Variants in OR10J1 observed in about 807,000 individuals in gnomAD.
OR10J1 encodes the protein olfactory receptor family 10 subfamily J member 1.
For missense variants in OR10J1, 474 were observed against 376.6 expected (o/e 1.26, Z -2.14); for synonymous variants, 202 against 143.8 (o/e 1.40, Z -2.89).
chr1:159,431,369 G>C, the OR10J1 span, among the ~76,000 whole-genome samples: 1 of 152,156 alleles, frequency 6.6e-6, no homozygotes, highest in South Asian at 2.1e-4. Flanking sequence ...TGAGGAGAGG[G>C]ACTCCAGAGT....
chr1:159,399,579 A>C, the OR10J1 span, among the ~76,000 whole-genome samples: 1 of 150,138 alleles, frequency 6.7e-6, no homozygotes, highest in African/African-American at 2.4e-5. Context: ...TCAAAAAAAA[A>C]AAAAAAAAAA....
At chr1:159,426,748 A>T in the OR10J1 span, among the ~76,000 whole-genome samples, 1 of 151,862 alleles carries the variant, frequency 6.6e-6, no homozygotes, top group Non-Finnish European at 1.5e-5. Context: ...TATTATGTAA[A>T]TATTTTTTTC....
upstream of OR10J1, among the ~76,000 whole-genome samples, chr1:159,435,923 A>G (rs905166914): frequency 6.6e-6 from 1 of 152,134 alleles, no homozygotes; most frequent in Admixed American, 6.5e-5. Context: ...TATATTTGCT[A>G]TTGGTGGCAG....
At chr1:159,430,671 G>GCGCGCGCA in the OR10J1 span, among the ~76,000 whole-genome samples, 69 of 149,798 alleles carry the variant, frequency 4.6e-4, no homozygotes, top group South Asian at 1.1e-3. Flanking sequence ...GTGTGTGTGC[G>GCGCGCGCA]CGCGCGCACA....
At chr1:159,409,982 T>C in the OR10J1 span, among the ~76,000 whole-genome samples, 3 of 152,130 alleles carry the variant, frequency 2.0e-5, no homozygotes, top group African/African-American at 7.2e-5. Flanking sequence ...TTGGTTCTGT[T>C]TATATGCTGG....
chr1:159,400,461 CTA>C, the OR10J1 span, among the ~76,000 whole-genome samples: 5 of 151,264 alleles, frequency 3.3e-5, no homozygotes. Context: ...AAGATGAAAA[CTA>C]TAAGAAAAGA....
At chr1:159,433,397 A>G (rs1558008034), upstream of OR10J1, among the ~76,000 whole-genome samples, 1 of 152,238 alleles carries the variant, frequency 6.6e-6, no homozygotes, top group African/African-American at 2.4e-5. Context: ...CATGCACTGC[A>G]CTATAATGTT....
At chr1:159,427,709 G>A in the OR10J1 span, among the ~76,000 whole-genome samples, 2 of 151,978 alleles carry the variant, frequency 1.3e-5, no homozygotes, top group African/African-American at 2.4e-5. Context: ...AGGATAGAAA[G>A]GTGTGAGATT....
the OR10J1 span, among the ~76,000 whole-genome samples, chr1:159,398,900 C>G: frequency 6.6e-6 from 1 of 151,948 alleles, no homozygotes; most frequent in Non-Finnish European, 1.5e-5. Context: ...GAGAACTTCC[C>G]AAACCTAGAG....
chr1:159,434,777 G>A (rs1466304679), upstream of OR10J1, among the ~76,000 whole-genome samples: 1 of 152,082 alleles, frequency 6.6e-6, no homozygotes. Flanking sequence ...AGTCAACAAT[G>A]TTATGGACAT....
upstream of OR10J1, among the ~76,000 whole-genome samples, chr1:159,438,433 G>A (rs1181871903): frequency 3.3e-5 from 5 of 152,164 alleles, no homozygotes; most frequent in Non-Finnish European, 5.9e-5. Flanking sequence ...TAAAAGCTCT[G>A]CCAAGCATTT....
the OR10J1 span, among the ~76,000 whole-genome samples, chr1:159,414,048 T>C: frequency 3.9e-5 from 6 of 152,134 alleles, no homozygotes; most frequent in Non-Finnish European, 1.5e-5. Flanking sequence ...AATCAGCGTA[T>C]TTAGGGTATC....
chr1:159,422,181 C>T, the OR10J1 span, among the ~76,000 whole-genome samples: 1 of 152,054 alleles, frequency 6.6e-6, no homozygotes, highest in Non-Finnish European at 1.5e-5. Flanking sequence ...AACGGTGTGC[C>T]GAGTACTGGA....
At chr1:159,430,047 T>A in the OR10J1 span, among the ~76,000 whole-genome samples, 3 of 152,140 alleles carry the variant, frequency 2.0e-5, no homozygotes, top group Admixed American at 2.0e-4. Flanking sequence ...TAACTAAATG[T>A]GACCTCGTGG....
chr1:159,414,616 A>G, the OR10J1 span, among the ~76,000 whole-genome samples: 2 of 152,136 alleles, frequency 1.3e-5, no homozygotes, highest in African/African-American at 4.8e-5. Flanking sequence ...CAACAGCAGA[A>G]TTGCTGGATC....
the OR10J1 span, among the ~76,000 whole-genome samples, chr1:159,422,841 C>T: frequency 3.3e-4 from 50 of 152,180 alleles, no homozygotes; most frequent in Non-Finnish European, 5.3e-4. Context: ...GGGGGCTTTT[C>T]GCTTACTCTT....
the OR10J1 span, among the ~76,000 whole-genome samples, chr1:159,397,796 C>T: frequency 6.6e-6 from 1 of 152,210 alleles, no homozygotes; most frequent in Non-Finnish European, 1.5e-5. Context: ...CTGGATGGCA[C>T]TTCTGGACCC....
chr1:159,423,091 T>C, the OR10J1 span, among the ~76,000 whole-genome samples: 1 of 152,156 alleles, frequency 6.6e-6, no homozygotes, highest in African/African-American at 2.4e-5. Context: ...TTCAATCCTT[T>C]CCAATTTTTC....
the OR10J1 span, chr1:159,432,814 T>C: frequency 4.9e-6 from 2 of 404,626 alleles, no homozygotes; most frequent in Admixed American, 4.4e-5. Context: ...TGCTCATCAG[T>C]CTCTGTGTCC....
Sources: allele counts gnomAD v4.1 joint callset (sites outside exome capture counted in the v4.1 genomes callset), GRCh38; gene constraint gnomAD v4.1.1; transcripts MANE v1.5; gene names NCBI Gene and HGNC (gene_info 2026-07-23, HGNC 2026-07-21).